The following KCNQ1 variants were observed in gnomAD, a reference collection of about 807,000 sequenced individuals.
KCNQ1 encodes potassium voltage-gated channel subfamily Q member 1.
A neutral mutation model predicts 72.4 loss-of-function variants in KCNQ1; 49 were observed. The ratio of observed to expected loss-of-function variants is 0.68; its 90% confidence interval spans 0.54 to 0.86. The LOEUF (loss-of-function observed/expected upper bound fraction) is 0.86, where lower values mean the gene tolerates loss of function less well. KCNQ1 is among the 40% of genes least tolerant of loss of function. KCNQ1 has a pLI of 0.00. For synonymous variants in KCNQ1, 450 were observed against 412.6 expected (o/e 1.09, Z -1.10); for missense variants, 790 against 945.1 (o/e 0.84, Z 2.15).
intron 1 of KCNQ1, among the ~76,000 whole-genome samples, chr11:2,511,791 G>C (rs1044240465): frequency 1.3e-4 from 20 of 152,216 alleles, no homozygotes; most frequent in African/African-American, 4.6e-4. Flanking sequence ...CTGGGAGCTG[G>C]GAACCTCCAT....
In KCNQ1 at chr11:2,695,082, A is replaced by G; in HGVS notation, c.1514+33001A>G. The G allele has an allele frequency of 2.5e-6, 1 of 398,636 alleles. No individual in the cohort carries two copies. Among genetic ancestry groups the G allele is most frequent in the Non-Finnish European group, 4.4e-6 (1 of 226,088 alleles). 24.7% of individuals were successfully genotyped at this position (398,636 alleles called of 1,614,324 possible). A position where few individuals can be genotyped will look rare whatever the true frequency, so the allele number is the denominator to read the frequency against. On this transcript the variant is annotated intron_variant, in intron 11 of 15. Coordinates refer to ENST00000155840, the MANE Select transcript of KCNQ1 (RefSeq NM_000218.3). The surrounding 1 kb of genome is among the most constrained non-coding windows in gnomAD (Gnocchi z 5.2). ...TGGAATTTGAATTTTATTTCCTAGA[A>G]ATAGAAGCCACTAGAGGGTATCTGG... is the stretch of plus-strand genomic sequence containing the variant.
chr11:2,719,686 A>G (rs534897464), intron 11 of KCNQ1, among the ~76,000 whole-genome samples: 38 of 152,304 alleles, frequency 2.5e-4, no homozygotes, highest in African/African-American at 8.7e-4. Context: ...AAACCAGGGC[A>G]GGACAGTGTA....
At position 2,679,416 on chromosome 11, in the gene KCNQ1, C is replaced by T. The variant is rs1224313984; in HGVS notation, c.1514+17335C>T. On this transcript the variant is annotated intron_variant, in intron 11 of 15. Transcript: ENST00000155840. The surrounding 1 kb of genome is among the most constrained non-coding windows in gnomAD (Gnocchi z 4.8). Reference sequence around the variant, plus strand: ...TTGTAAAATGGGAATCATAAGAGTACCTTCCTCAGAGGGTTGTTAGGAGGA... The same window carrying T: ...TTGTAAAATGGGAATCATAAGAGTATCTTCCTCAGAGGGTTGTTAGGAGGA... 1 of 398,474 alleles carries T rather than the reference C, an allele frequency of 2.5e-6. No homozygotes were observed. The highest frequency in any genetic ancestry group is 4.4e-6 in the Non-Finnish European group (1 of 226,076). The allele number at this position is 398,474 out of a possible 1,614,324, so 24.7% of individuals were successfully genotyped here. A position where few individuals can be genotyped will look rare whatever the true frequency, so the allele number is the denominator to read the frequency against.
At chr11:2,829,998 GGGAGGAGGAA>G (rs1243212573) in intron 15 of KCNQ1, among the ~76,000 whole-genome samples, 7,754 of 128,840 alleles carry the variant, frequency 0.06, 597 homozygotes, top group East Asian at 0.24. Flanking sequence ...GGAAGGAAGA[GGGAGGAGGAA>G]GGAGGAGGAA....
chr11:2,530,771 G>A (rs896946703), intron 2 of KCNQ1, among the ~76,000 whole-genome samples: 3 of 152,184 alleles, frequency 2.0e-5, no homozygotes, highest in African/African-American at 7.2e-5. Context: ...ATTGTAGTGT[G>A]CGCCTGTGAG....
chr11:2,717,858 C>T (rs137897157), intron 11 of KCNQ1, among the ~76,000 whole-genome samples: 33 of 152,302 alleles, frequency 2.2e-4, no homozygotes, highest in Admixed American at 3.3e-4. Flanking sequence ...CCCTCTCCCC[C>T]GATGGCCCAC....
intron 7 of KCNQ1, 53 bp downstream of exon 7, chr11:2,583,598 G>A: frequency 7.8e-7 from 1 of 1,280,346 alleles, no homozygotes; most frequent in Non-Finnish European, 1.1e-6. Flanking sequence ...CTGGGGTCCT[G>A]GGGTGGCTGC....
At position 2,698,751 on chromosome 11, in the gene KCNQ1, G is replaced by A. The variant is rs1176783716; in HGVS notation, c.1514+36670G>A. 7 of 398,478 alleles carry A rather than the reference G, an allele frequency of 1.8e-5. No homozygotes were observed. Among genetic ancestry groups the A allele is most frequent in the Non-Finnish European group, 3.1e-5 (7 of 226,120 alleles). 24.7% of individuals were successfully genotyped at this position (398,478 alleles called of 1,614,324 possible). On this transcript the variant is annotated intron_variant, in intron 11 of 15. Coordinates refer to ENST00000155840, the MANE Select transcript of KCNQ1 (RefSeq NM_000218.3). This position sits in a 1 kb window ranked among gnomAD's most constrained non-coding sequence, Gnocchi z 5.1. ...CGGACCTCCCTTGGATCTCAACTCAGAGCCATGATGCAGACTCCAGACCGG... is the reference window on the plus strand; with the variant it reads ...CGGACCTCCCTTGGATCTCAACTCAAAGCCATGATGCAGACTCCAGACCGG...
chr11:2,809,529 A>C lies in KCNQ1; in HGVS notation c.1794+31492A>C, dbSNP rs1293590228. 6.6e-6 allele frequency among the ~76,000 whole-genome samples: 1 copy of C among 152,056 alleles called. No homozygotes were observed. The highest frequency in any genetic ancestry group is 1.5e-5 in the Non-Finnish European group (1 of 68,020). On this transcript the variant is annotated intron_variant, in intron 15 of 15. Transcript: ENST00000155840. The surrounding 1 kb of genome is among the most constrained non-coding windows in gnomAD (Gnocchi z 7.1). Reference sequence around the variant, plus strand: ...TTTGTTCGTCTTGGTGCTGTGTATGAAGGTGGCAACAGACTCCCCATAGTC... The same window carrying C: ...TTTGTTCGTCTTGGTGCTGTGTATGCAGGTGGCAACAGACTCCCCATAGTC...
At chr11:2,490,624 G>A (rs542232749) in intron 1 of KCNQ1, among the ~76,000 whole-genome samples, 1 of 152,332 alleles carries the variant, frequency 6.6e-6, no homozygotes, top group Non-Finnish European at 1.5e-5. Flanking sequence ...GAAAACAAGA[G>A]TCTCTGCCTC....
chr11:2,683,754 A>G lies in KCNQ1; in HGVS notation c.1514+21673A>G, dbSNP rs902353028. 5.0e-6 allele frequency: 2 copies of G among 398,478 alleles called. No individual in the cohort carries two copies. Among genetic ancestry groups the G allele is most frequent in the Admixed American group, 4.4e-5 (1 of 22,720 alleles). 24.7% of individuals were successfully genotyped at this position (398,478 alleles called of 1,614,324 possible). Reference sequence around the variant, plus strand: ...TAGCTTTAGCTCTGAGGCAGCCCAGATGACATGGGCCTCTAAGGCTGGCTG... The same window carrying G: ...TAGCTTTAGCTCTGAGGCAGCCCAGGTGACATGGGCCTCTAAGGCTGGCTG... On this transcript the variant is annotated intron_variant, in intron 11 of 15. Transcript: ENST00000155840. The surrounding 1 kb of genome is among the most constrained non-coding windows in gnomAD (Gnocchi z 4.7).
Position 2,768,256 on chromosome 11 carries a change from T to C in KCNQ1, c.1515-588T>C, listed in dbSNP as rs1196356537. ...GACACATCATCCCCTTTGTTTCCTTTTGTGATGCTGTTTCTAAAAGGATCT... is the reference window on the plus strand; with the variant it reads ...GACACATCATCCCCTTTGTTTCCTTCTGTGATGCTGTTTCTAAAAGGATCT... On this transcript the variant is annotated intron_variant, in intron 11 of 15. Transcript: ENST00000155840. This position sits in a 1 kb window ranked among gnomAD's most constrained non-coding sequence, Gnocchi z 6.7. Among the ~76,000 whole-genome samples the C allele has an allele frequency of 6.6e-6, 1 of 152,228 alleles. No homozygotes were observed. Among genetic ancestry groups the C allele is most frequent in the Non-Finnish European group, 1.5e-5 (1 of 68,046 alleles).
intron 10 of KCNQ1, chr11:2,629,142 A>AT: frequency 2.5e-6 from 1 of 398,292 alleles, no homozygotes; most frequent in East Asian, 3.6e-5. Flanking sequence ...GTCACTGGAA[A>AT]TTTGATAGGC....
chr11:2,445,024 G>T lies in KCNQ1; in HGVS notation c.-75G>T. The T allele has an allele frequency of 1.0e-6, 1 of 993,006 alleles. No homozygotes were observed. The highest frequency in any genetic ancestry group is 1.2e-6 in the Non-Finnish European group (1 of 829,392). 61.5% of individuals were successfully genotyped at this position (993,006 alleles called of 1,614,324 possible). A position where few individuals can be genotyped will look rare whatever the true frequency, so the allele number is the denominator to read the frequency against. ...GCTGGCAGCAGTGGCTGCCCGCACT[G>T]CGCCCGGGCGCTCGCCTTCGCTGCA... On this transcript the variant is annotated 5_prime_UTR_variant, in exon 1 of 16. Coordinates refer to ENST00000155840, the MANE Select transcript of KCNQ1 (RefSeq NM_000218.3).
At chr11:2,798,487 C>A (rs1847186858) in intron 15 of KCNQ1, among the ~76,000 whole-genome samples, 1 of 151,712 alleles carries the variant, frequency 6.6e-6, no homozygotes, top group South Asian at 2.1e-4. Flanking sequence ...GGGTTTGCGG[C>A]AGCAGCAGCA....
intron 15 of KCNQ1, among the ~76,000 whole-genome samples, chr11:2,806,583 G>A (rs1847378565): frequency 6.6e-6 from 1 of 152,204 alleles, no homozygotes; most frequent in African/African-American, 2.4e-5. Flanking sequence ...CCGAGCAGCT[G>A]GGCCGTGTCT....
In KCNQ1 at chr11:2,691,879, G is replaced by A. The variant is rs181640090; in HGVS notation, c.1514+29798G>A. ...TCTTTTCCATCCCTCCAGTTCTCCT[G>A]GCTTTCTTGCCATCTTTCTGGCTCT... On this transcript the variant is annotated intron_variant, in intron 11 of 15. Coordinates refer to ENST00000155840, the MANE Select transcript of KCNQ1 (RefSeq NM_000218.3). This position sits in a 1 kb window ranked among gnomAD's most constrained non-coding sequence, Gnocchi z 6.4. The A allele has an allele frequency of 2.7e-3, 1,084 of 398,762 alleles. 10 individuals carry two copies. The highest frequency in any genetic ancestry group is 3.0e-3 in the Non-Finnish European group (687 of 226,180). The allele number at this position is 398,762 out of a possible 1,614,324, so 24.7% of individuals were successfully genotyped here. A position where few individuals can be genotyped will look rare whatever the true frequency, so the allele number is the denominator to read the frequency against.
intron 11 of KCNQ1, chr11:2,697,669 A>G (rs941521852): frequency 7.5e-6 from 3 of 398,590 alleles, no homozygotes; most frequent in Non-Finnish European, 1.3e-5. Context: ...TGTGAATTAC[A>G]TGGATAAAGT....
rs1159495580 is a variant in KCNQ1, at chr11:2,745,584, T to A, written c.1515-23260T>A. Among the ~76,000 whole-genome samples the A allele has an allele frequency of 6.6e-6, 1 of 152,222 alleles. No homozygotes were observed. Among genetic ancestry groups the A allele is most frequent in the East Asian group, 1.9e-4 (1 of 5,196 alleles). On this transcript the variant is annotated intron_variant, in intron 11 of 15. Transcript: ENST00000155840. This position sits in a 1 kb window ranked among gnomAD's most constrained non-coding sequence, Gnocchi z 6.2. The stretch of plus-strand genomic sequence containing the variant: ...GAGTCAGCGTGACCACAGGCCCCCA[T>A]TCCCCAGCCCCTAATGTTCTTGCCT...
Sources: gnomAD v4.1 joint callset for allele counts (sites outside exome capture counted in the v4.1 genomes callset) on GRCh38, gnomAD v4.1.1 for gene constraint, Gnocchi (gnomAD v3.1) non-coding constraint, MANE v1.5 for transcripts, NCBI Gene and HGNC (gene_info 2026-07-23, HGNC 2026-07-21) for gene names.